Variants in NEK11 observed in about 807,000 individuals in gnomAD.
The protein encoded by NEK11 is serine/threonine-protein kinase Nek11.
Under a neutral mutation model 80.7 loss-of-function variants are expected in NEK11, and 72 were observed. The ratio of observed to expected loss-of-function variants is 0.89; its 90% CI spans 0.74 to 1.08. NEK11 has a LOEUF of 1.08. Among genes scored for constraint, NEK11 ranks in the 50% least tolerant of loss-of-function variants. The probability of loss-of-function intolerance (pLI) is 0.00; values close to 1 mark genes in which losing one functional copy is unlikely to be tolerated. For synonymous variants in NEK11, 251 were observed against 260.7 expected, an observed-to-expected ratio of 0.96 and a Z score of 0.36; for missense variants, 764 against 763.6, an observed-to-expected ratio of 1.00 and a Z score of -0.01.
At chr3:131,342,131 T>A (rs542221429) in intron 17 of NEK11, among the ~76,000 whole-genome samples, 10 of 152,204 alleles carry the variant, frequency 6.6e-5, no homozygotes, top group African/African-American at 2.4e-4. Context: ...ACGTGCTCTA[T>A]CTGGGCACGC....
At chr3:131,245,753 G>A (rs2095591991) in intron 16 of NEK11, among the ~76,000 whole-genome samples, 1 of 151,858 alleles carries the variant, frequency 6.6e-6, no homozygotes, top group Non-Finnish European at 1.5e-5. Flanking sequence ...TTTGAAAAAT[G>A]TCTGTTCATG....
intron 14 of NEK11, chr3:131,184,692 C>T (rs1451059282): frequency 1.8e-6 from 2 of 1,108,938 alleles, no homozygotes; most frequent in Non-Finnish European, 2.4e-6. Flanking sequence ...TTTTCTCTTT[C>T]TTCTTAAAGG....
rs543946356 is a variant in NEK11 at position 131,032,510 on chromosome 3, AT to A, written c.170+2634del. Among the ~76,000 whole-genome samples, 18 of 152,304 alleles carry A rather than the reference AT, an allele frequency of 1.2e-4. No individual in the cohort carries two copies. The South Asian group carries it at 3.7e-3, about 32-fold the overall frequency. On this transcript the variant is annotated intron_variant, in intron 3 of 17. Transcript: ENST00000383366. ...CACTACGTGCCGACCTTTGTAGACA[AT>A]TGCTTTTGGAATTATTTGCTAAAAT...
chr3:131,177,920 A>C (rs943627113), intron 14 of NEK11, among the ~76,000 whole-genome samples: 1 of 152,224 alleles, frequency 6.6e-6, no homozygotes, highest in Non-Finnish European at 1.5e-5. Flanking sequence ...AGCAAACATC[A>C]GAGAGTATAC....
At chr3:131,346,815 A>G (rs753282571) in intron 17 of NEK11, among the ~76,000 whole-genome samples, 1 of 152,128 alleles carries the variant, frequency 6.6e-6, no homozygotes, top group Non-Finnish European at 1.5e-5. Context: ...CTTGAAATCA[A>G]TTTCAGAGGT....
chr3:131,227,407 C>G (rs1015213782), intron 14 of NEK11, among the ~76,000 whole-genome samples: 1 of 152,090 alleles, frequency 6.6e-6, no homozygotes, highest in Non-Finnish European at 1.5e-5. Flanking sequence ...TTCTATTACT[C>G]AATCTCAGCA....
At position 131,224,324 on chromosome 3, in the gene NEK11, C is replaced by A. The variant is rs553039406; in HGVS notation, c.1400-4204C>A. On this transcript the variant is annotated intron_variant, in intron 14 of 17. Transcript: ENST00000383366. ...CTCACTGCATCCTCCACCTTCCAGG[C>A]TCAAGTGATCCTCCCACTTCAGCCT... Among the ~76,000 whole-genome samples, 10 of 152,112 alleles carry A rather than the reference C, an allele frequency of 6.6e-5. No individual in the cohort carries two copies. In the South Asian group the frequency reaches 1.2e-3, roughly 19 times the overall value.
chr3:131,085,348 C>A (rs1273427961), intron 4 of NEK11, among the ~76,000 whole-genome samples: 1 of 152,110 alleles, frequency 6.6e-6, no homozygotes, highest in Non-Finnish European at 1.5e-5. Context: ...CATTACTGAG[C>A]CCCAGATCTG....
At chr3:131,171,156 C>T (rs1237398406) in intron 14 of NEK11, among the ~76,000 whole-genome samples, 5 of 152,142 alleles carry the variant, frequency 3.3e-5, no homozygotes, top group East Asian at 1.9e-4. Context: ...ACACTGTTGT[C>T]GTTAAGCTGA....
At chr3:131,232,322 G>A (rs771879074) in intron 15 of NEK11, among the ~76,000 whole-genome samples, 1 of 152,186 alleles carries the variant, frequency 6.6e-6, no homozygotes. Context: ...ACAGGCTGAC[G>A]AGTGTTTTCA....
chr3:131,058,101 A>G (rs1178387039), intron 3 of NEK11, among the ~76,000 whole-genome samples: 2 of 151,982 alleles, frequency 1.3e-5, no homozygotes, highest in South Asian at 2.1e-4. Flanking sequence ...TCAGCTTTCT[A>G]CATATGGCTA....
chr3:131,271,544 C>G (rs553837771), intron 16 of NEK11, among the ~76,000 whole-genome samples: 3 of 152,260 alleles, frequency 2.0e-5, no homozygotes, highest in Admixed American at 2.0e-4. Context: ...CCTGTAATCC[C>G]AGCACTTTGG....
intron 4 of NEK11, among the ~76,000 whole-genome samples, chr3:131,102,744 A>G (rs2078585046): frequency 6.6e-6 from 1 of 152,168 alleles, no homozygotes; most frequent in African/African-American, 2.4e-5. Flanking sequence ...GGAAATTTTC[A>G]TGGACTATAT....
intron 16 of NEK11, among the ~76,000 whole-genome samples, chr3:131,248,270 A>G (rs1280391094): frequency 6.6e-6 from 1 of 152,002 alleles, no homozygotes; most frequent in Non-Finnish European, 1.5e-5. Context: ...GGTTTCTTTT[A>G]TGCCTCATTT....
chr3:131,221,676 A>G (rs900997189), intron 14 of NEK11, among the ~76,000 whole-genome samples: 1 of 152,204 alleles, frequency 6.6e-6, no homozygotes, highest in Non-Finnish European at 1.5e-5. Flanking sequence ...TTTTAAAAAA[A>G]TTGTTAATGT....
intron 17 of NEK11, among the ~76,000 whole-genome samples, chr3:131,338,930 G>A (rs2097241026): frequency 6.6e-6 from 1 of 152,140 alleles, no homozygotes; most frequent in African/African-American, 2.4e-5. Flanking sequence ...ATGGCTGAAT[G>A]AGTTTATCCA....
chr3:131,123,629 A>G (rs6783432), intron 5 of NEK11, among the ~76,000 whole-genome samples: 7,881 of 152,024 alleles, frequency 0.052, 708 homozygotes, highest in African/African-American at 0.18. Flanking sequence ...TTACTAATTT[A>G]TATATTTATA....
At chr3:131,224,615 C>T (rs1351257882) in intron 14 of NEK11, among the ~76,000 whole-genome samples, 1 of 151,976 alleles carries the variant, frequency 6.6e-6, no homozygotes, top group Non-Finnish European at 1.5e-5. Flanking sequence ...GCAGGTCCTT[C>T]GGGAGGTATT....
chr3:131,310,919 G>C (rs919101100), intron 17 of NEK11, among the ~76,000 whole-genome samples: 2 of 152,166 alleles, frequency 1.3e-5, no homozygotes, highest in African/African-American at 4.8e-5. Context: ...TAGCTCCACA[G>C]CATGAGCATC....
Sources: gnomAD v4.1 joint callset for allele counts (sites outside exome capture counted in the v4.1 genomes callset) on GRCh38, gnomAD v4.1.1 for gene constraint, MANE v1.5 for transcripts, NCBI Gene and HGNC (gene_info 2026-07-23, HGNC 2026-07-21) for gene names.